Variants in OLFM2 observed in about 807,000 individuals in gnomAD.
OLFM2 encodes noelin-2.
OLFM2 carries 20 observed loss-of-function variants against 43.9 expected under a neutral mutation model. The ratio of observed to expected loss-of-function variants is 0.46; its 90% confidence interval spans 0.32 to 0.66. The LOEUF (loss-of-function observed/expected upper bound fraction) is 0.66, where lower values mean the gene tolerates loss of function less well. OLFM2 is among the 30% of genes least tolerant of loss of function. The pLI is 0.04. For missense variants in OLFM2, 416 were observed against 643.6 expected (o/e 0.65, Z 3.83); for synonymous variants, 268 against 278.6 (o/e 0.96, Z 0.38).
intron 1 of OLFM2, among the ~76,000 whole-genome samples, chr19:9,916,904 T>A (rs1319652334): frequency 2.0e-5 from 3 of 152,132 alleles, no homozygotes; most frequent in African/African-American, 7.2e-5. Flanking sequence ...GAAACTCCTT[T>A]TTCCCTTGAC....
intron 1 of OLFM2, among the ~76,000 whole-genome samples, chr19:9,900,945 G>GGGTAGGAA: frequency 5.3e-5 from 1 of 18,924 alleles, no homozygotes; most frequent in Non-Finnish European, 1.0e-4. Flanking sequence ...GGGAGGGAAG[G>GGGTAGGAA]GGAAGGAAGG....
chr19:9,901,179 AGAAAGAAG>A lies in OLFM2; in HGVS notation c.63+35117_63+35124del, dbSNP rs1324223855. On this transcript the variant is annotated intron_variant, in intron 1 of 5. Transcript: ENST00000264833. ...AAAAGAAAGAAAGGAAGGAAGGAAA[AGAAAGAAG>A]GAAAGAAGGAAAGAGGACGGAAAGA... 5.4e-5 allele frequency among the ~76,000 whole-genome samples: 8 copies of A among 148,796 alleles called. No individual in the cohort carries two copies. In the East Asian group the frequency reaches 8.1e-4, roughly 15 times the overall value.
chr19:9,935,120 C>T (rs1013209793), intron 1 of OLFM2, among the ~76,000 whole-genome samples: 1 of 152,180 alleles, frequency 6.6e-6, no homozygotes, highest in Admixed American at 6.6e-5. Flanking sequence ...GTTTCCCCAT[C>T]CATAAAATGA....
At chr19:9,907,088 C>T (rs187268812) in intron 1 of OLFM2, among the ~76,000 whole-genome samples, 18 of 152,290 alleles carry the variant, frequency 1.2e-4, no homozygotes, top group Admixed American at 3.3e-4. Flanking sequence ...CATCTCCAGT[C>T]AACACTTGGC....
intron 1 of OLFM2, among the ~76,000 whole-genome samples, chr19:9,895,765 A>T (rs1242064454): frequency 1.3e-5 from 2 of 152,058 alleles, no homozygotes; most frequent in African/African-American, 2.4e-5. Context: ...CCTACTGAGT[A>T]GCTGGGATTA....
At chr19:9,877,906 G>A (rs1490856495) in intron 1 of OLFM2, among the ~76,000 whole-genome samples, 1 of 152,050 alleles carries the variant, frequency 6.6e-6, no homozygotes, top group East Asian at 1.9e-4. Flanking sequence ...AGGCTGGAGT[G>A]CAATGATGCG....
intron 1 of OLFM2, among the ~76,000 whole-genome samples, chr19:9,933,746 A>G (rs1266897473): frequency 2.8e-5 from 4 of 143,610 alleles, no homozygotes; most frequent in East Asian, 4.3e-4. Context: ...TAGTAGAGAC[A>G]GGGTTTCACT....
chr19:9,856,791 G>T lies in OLFM2; in HGVS notation c.687+16C>A. The T allele has an allele frequency of 6.2e-7, 1 of 1,604,536 alleles. No homozygotes were observed. The highest frequency in any genetic ancestry group is 8.5e-7 in the Non-Finnish European group (1 of 1,173,370). ...CCTCCCAGGCCCTGACCCCAGGGGT[G>T]GGCGCAGTCACTCACCCGGCTATCC... On this transcript the variant is annotated intron_variant, in intron 5 of 5. Transcript: ENST00000264833. This position sits in a 1 kb window ranked among gnomAD's most constrained non-coding sequence, Gnocchi z 4.0.
chr19:9,904,933 C>T (rs1409224299), intron 1 of OLFM2, among the ~76,000 whole-genome samples: 1 of 151,852 alleles, frequency 6.6e-6, no homozygotes, highest in East Asian at 1.9e-4. Context: ...GCAGGAGGAT[C>T]ACTTGAACAC....
At chr19:9,858,327 A>C (rs1238222339) in intron 2 of OLFM2, among the ~76,000 whole-genome samples, 1 of 143,860 alleles carries the variant, frequency 7.0e-6, no homozygotes, top group Non-Finnish European at 1.5e-5. Flanking sequence ...CTCTACCTGG[A>C]GTGCTGTTCC....
At chr19:9,901,399 C>T (rs1041921338) in intron 1 of OLFM2, among the ~76,000 whole-genome samples, 5 of 152,014 alleles carry the variant, frequency 3.3e-5, no homozygotes, top group Admixed American at 1.3e-4. Context: ...GCACTCCAGC[C>T]TGGGCGACAG....
At chr19:9,919,114 A>C (rs751432331) in intron 1 of OLFM2, among the ~76,000 whole-genome samples, 4 of 152,138 alleles carry the variant, frequency 2.6e-5, no homozygotes, top group Non-Finnish European at 4.4e-5. Flanking sequence ...AAGCGGGAGA[A>C]TTGCTTGAAG....
rs1223130263 is a variant in OLFM2, at chr19:9,854,865, T to C, written c.688-2A>G. On this transcript the variant is annotated splice_acceptor_variant, in intron 5 of 5. Transcript: ENST00000264833. LOFTEE classifies it high-confidence loss of function. This position sits in a 1 kb window ranked among gnomAD's most constrained non-coding sequence, Gnocchi z 9.5. The stretch of plus-strand genomic sequence containing the variant: ...GTAATAGCCATCCATGTACCAGACC[T>C]ATGGTAGCAGCCGCTGGTCACTGGG... 1.3e-6 allele frequency: 2 copies of C among 1,574,130 alleles called. No homozygotes were observed.
At chr19:9,874,239 C>G (rs1255011661) in intron 1 of OLFM2, among the ~76,000 whole-genome samples, 1 of 151,506 alleles carries the variant, frequency 6.6e-6, no homozygotes, top group African/African-American at 2.4e-5. Context: ...TTAGACTTAT[C>G]TGGTCTATGA....
intron 1 of OLFM2, among the ~76,000 whole-genome samples, chr19:9,869,044 C>T (rs1456830432): frequency 3.7e-5 from 4 of 108,634 alleles, no homozygotes; most frequent in African/African-American, 1.5e-4. Context: ...GAGCCAGAAA[C>T]GAGGCTAAGA....
chr19:9,932,805 A>G (rs968595069), intron 1 of OLFM2, among the ~76,000 whole-genome samples: 4 of 152,170 alleles, frequency 2.6e-5, no homozygotes, highest in African/African-American at 9.7e-5. Context: ...CTTTTCCACA[A>G]GGAAAATAGT....
At chr19:9,896,488 C>T (rs2046686067) in intron 1 of OLFM2, among the ~76,000 whole-genome samples, 1 of 152,206 alleles carries the variant, frequency 6.6e-6, no homozygotes. Flanking sequence ...GCCTGGAACT[C>T]CTGGCTCAAG....
At position 9,878,375 on chromosome 19, in the gene OLFM2, TTC is replaced by T. The variant is rs1247599382; in HGVS notation, c.64-17583_64-17582del. ...GACTCTCTCTGAGCCTCAGTTTCAT[TTC>T]TCTCTTTTTTTTTTTTTTTTTTTTT... On this transcript the variant is annotated intron_variant, in intron 1 of 5. Transcript: ENST00000264833. Among the ~76,000 whole-genome samples, 11 of 117,156 alleles carry T rather than the reference TTC, an allele frequency of 9.4e-5. No homozygotes were observed. In the South Asian group the frequency reaches 1.0e-3, roughly 11 times the overall value. 76.9% of individuals were successfully genotyped at this position (117,156 alleles called of 152,430 possible).
intron 1 of OLFM2, among the ~76,000 whole-genome samples, chr19:9,888,232 C>T (rs1360026312): frequency 6.6e-6 from 1 of 151,908 alleles, no homozygotes; most frequent in Non-Finnish European, 1.5e-5. Context: ...TCAAAAGACC[C>T]TCCCTGCTGG....
Sources: allele counts gnomAD v4.1 joint callset (sites outside exome capture counted in the v4.1 genomes callset), GRCh38; gene constraint gnomAD v4.1.1; non-coding constraint Gnocchi (gnomAD v3.1); transcripts MANE v1.5; gene names NCBI Gene and HGNC (gene_info 2026-07-23, HGNC 2026-07-21).